The following KHDRBS2 variants were observed in gnomAD, a reference collection of about 807,000 sequenced individuals.
The protein encoded by KHDRBS2 is KH RNA binding domain containing, signal transduction associated 2, also known as KH domain-containing, RNA-binding, signal transduction-associated protein 2.
Under a neutral mutation model 44.3 loss-of-function variants are expected in KHDRBS2, and 26 were observed. The ratio of observed to expected loss-of-function variants is 0.59; its 90% CI spans 0.43 to 0.81. The LOEUF (loss-of-function observed/expected upper bound fraction) is 0.81. Among genes scored for constraint, KHDRBS2 ranks in the 40% least tolerant of loss-of-function variants. The probability of loss-of-function intolerance (pLI) is 0.00; values close to 1 mark genes in which losing one functional copy is unlikely to be tolerated. For synonymous variants in KHDRBS2, 194 were observed against 151.1 expected, an observed-to-expected ratio of 1.28 and a Z score of -2.08; for missense variants, 476 against 433.1, an observed-to-expected ratio of 1.10 and a Z score of -0.88.
At chr6:61,736,022 G>A (rs1215275991) in intron 6 of KHDRBS2, among the ~76,000 whole-genome samples, 1 of 150,950 alleles carries the variant, frequency 6.6e-6, no homozygotes, top group Non-Finnish European at 1.5e-5. Context: ...TCATTGTGTT[G>A]GGTGCTCAAT....
chr6:61,800,205 C>G (rs1418416173), intron 6 of KHDRBS2, among the ~76,000 whole-genome samples: 1 of 151,972 alleles, frequency 6.6e-6, no homozygotes, highest in East Asian at 1.9e-4. Context: ...AAAACTTTTT[C>G]AAAGGGAATG....
intron 3 of KHDRBS2, among the ~76,000 whole-genome samples, chr6:61,980,949 C>T (rs114982863): frequency 0.02 from 3,095 of 152,286 alleles, 55 homozygotes; most frequent in Non-Finnish European, 0.028. Context: ...TAAAACCTCA[C>T]GTCAGAGTGA....
intron 2 of KHDRBS2, among the ~76,000 whole-genome samples, chr6:62,089,259 A>C (rs1584623703): frequency 8.3e-6 from 1 of 120,386 alleles, no homozygotes. Flanking sequence ...TTCAGGTGCC[A>C]CTGGGTTACA....
At chr6:62,265,164 C>T (rs1432888224) in intron 1 of KHDRBS2, among the ~76,000 whole-genome samples, 2 of 151,780 alleles carry the variant, frequency 1.3e-5, no homozygotes, top group Non-Finnish European at 2.9e-5. Flanking sequence ...TGGGGACCCT[C>T]GGAATACTGT....
chr6:61,736,448 G>C (rs1562062039), intron 6 of KHDRBS2, among the ~76,000 whole-genome samples: 1 of 151,886 alleles, frequency 6.6e-6, no homozygotes, highest in African/African-American at 2.4e-5. Context: ...GACATCCACA[G>C]GTGCTCCAAG....
intron 2 of KHDRBS2, among the ~76,000 whole-genome samples, chr6:62,088,259 T>C (rs1338961568): frequency 6.6e-6 from 1 of 152,180 alleles, no homozygotes; most frequent in Non-Finnish European, 1.5e-5. Flanking sequence ...AGTTGTGATC[T>C]TTTGGAGGAG....
At chr6:61,910,151 C>T (rs988194061) in intron 4 of KHDRBS2, among the ~76,000 whole-genome samples, 5 of 152,272 alleles carry the variant, frequency 3.3e-5, no homozygotes, top group African/African-American at 1.2e-4. Flanking sequence ...ATCAGACTTG[C>T]AACTAAGTTG....
At chr6:62,205,531 G>C (rs1447866439) in intron 1 of KHDRBS2, among the ~76,000 whole-genome samples, 4 of 152,062 alleles carry the variant, frequency 2.6e-5, no homozygotes, top group Non-Finnish European at 4.4e-5. Context: ...AGAAATCACA[G>C]GTTAAAACCT....
intron 1 of KHDRBS2, among the ~76,000 whole-genome samples, chr6:62,183,462 T>C (rs1822771092): frequency 6.6e-6 from 1 of 151,642 alleles, no homozygotes; most frequent in African/African-American, 2.4e-5. Flanking sequence ...GAACTATTTA[T>C]GCCTAATTTC....
chr6:62,053,464 C>G (rs995968146), intron 2 of KHDRBS2, among the ~76,000 whole-genome samples: 1 of 151,812 alleles, frequency 6.6e-6, no homozygotes, highest in Non-Finnish European at 1.5e-5. Context: ...CATAGGTATA[C>G]AAGTATTTTA....
At chr6:61,697,585 T>C (rs1356754258) in intron 7 of KHDRBS2, among the ~76,000 whole-genome samples, 1 of 152,130 alleles carries the variant, frequency 6.6e-6, no homozygotes, top group East Asian at 1.9e-4. Context: ...CTCTCTAAGA[T>C]GACAATCTGG....
At chr6:61,601,555 A>T in the KHDRBS2 span, among the ~76,000 whole-genome samples, 1 of 152,116 alleles carries the variant, frequency 6.6e-6, no homozygotes, top group Non-Finnish European at 1.5e-5. Flanking sequence ...AAACGGTCTG[A>T]GGTGCCTGAC....
intron 4 of KHDRBS2, among the ~76,000 whole-genome samples, chr6:61,918,472 T>C (rs79374273): frequency 7.1e-4 from 108 of 151,984 alleles, no homozygotes; most frequent in Middle Eastern, 3.4e-3. Context: ...ATGGGATTAT[T>C]GCCCTTATAA....
intron 6 of KHDRBS2, among the ~76,000 whole-genome samples, chr6:61,894,333 G>T (rs997889432): frequency 3.3e-5 from 5 of 151,976 alleles, no homozygotes; most frequent in Non-Finnish European, 5.9e-5. Flanking sequence ...CTGAATACAT[G>T]GCAATTCACC....
At chr6:62,107,234 C>A (rs1392619599) in intron 2 of KHDRBS2, among the ~76,000 whole-genome samples, 1 of 152,106 alleles carries the variant, frequency 6.6e-6, no homozygotes, top group Admixed American at 6.6e-5. Context: ...TGATAAGCAA[C>A]TTCAGCAAAG....
intron 8 of KHDRBS2, among the ~76,000 whole-genome samples, chr6:61,691,764 T>C (rs1429855852): frequency 1.3e-5 from 2 of 152,120 alleles, no homozygotes; most frequent in Non-Finnish European, 2.9e-5. Flanking sequence ...CACAGATTAA[T>C]CAATGCAGGC....
chr6:62,108,641 T>C (rs1396951776), intron 2 of KHDRBS2, among the ~76,000 whole-genome samples: 1 of 152,212 alleles, frequency 6.6e-6, no homozygotes, highest in Non-Finnish European at 1.5e-5. Flanking sequence ...TAAAGACACA[T>C]GCACACGTAT....
At chr6:61,890,331 C>A (rs549584715) in intron 6 of KHDRBS2, among the ~76,000 whole-genome samples, 28 of 152,274 alleles carry the variant, frequency 1.8e-4, no homozygotes, top group Non-Finnish European at 3.8e-4. Context: ...AACATACTCA[C>A]CTCTTAAATT....
At chr6:61,957,003 TA>T (rs1272433271) in intron 4 of KHDRBS2, among the ~76,000 whole-genome samples, 1 of 152,030 alleles carries the variant, frequency 6.6e-6, no homozygotes, top group Non-Finnish European at 1.5e-5. Context: ...CAGAAGAATA[TA>T]AATTGTGAAG....
Sources: gnomAD v4.1 joint callset for allele counts (sites outside exome capture counted in the v4.1 genomes callset) on GRCh38, gnomAD v4.1.1 for gene constraint, MANE v1.5 for transcripts, NCBI Gene and HGNC (gene_info 2026-07-23, HGNC 2026-07-21) for gene names.